Variants in NRXN1 observed in about 807,000 individuals in gnomAD.
NRXN1 encodes the protein neurexin-1.
A neutral mutation model predicts 150.9 loss-of-function variants in NRXN1; 39 were observed. The ratio of observed to expected loss-of-function variants is 0.26; its 90% CI spans 0.20 to 0.34. The LOEUF (loss-of-function observed/expected upper bound fraction) is 0.34. Ranked by LOEUF, NRXN1 falls within the 10% of genes least tolerant of loss-of-function variation. The pLI is 1.00. For synonymous variants in NRXN1, 924 were observed against 757.0 expected, an observed-to-expected ratio of 1.22 and a Z score of -3.62; for missense variants, 1,815 against 1,949.9, an observed-to-expected ratio of 0.93 and a Z score of 1.30.
At chr2:50,700,747 G>C (rs1693619080) in intron 5 of NRXN1, among the ~76,000 whole-genome samples, 1 of 151,842 alleles carries the variant, frequency 6.6e-6, no homozygotes, top group East Asian at 1.9e-4. Flanking sequence ...AAAAATGTGA[G>C]GATAAGTTTT....
chr2:50,739,952 G>A (rs1699232949), intron 5 of NRXN1, among the ~76,000 whole-genome samples: 1 of 152,108 alleles, frequency 6.6e-6, no homozygotes, highest in Non-Finnish European at 1.5e-5. Context: ...AAATCAACTG[G>A]CAGCATAAGC....
At chr2:50,357,244 T>A (rs1165956625) in intron 17 of NRXN1, among the ~76,000 whole-genome samples, 4 of 152,026 alleles carry the variant, frequency 2.6e-5, no homozygotes, top group Non-Finnish European at 5.9e-5. Flanking sequence ...CCAGCCTGGG[T>A]GACAGAGAGA....
chr2:50,958,387 A>G (rs1692610256), intron 2 of NRXN1, among the ~76,000 whole-genome samples: 2 of 152,146 alleles, frequency 1.3e-5, no homozygotes, highest in African/African-American at 4.8e-5. Context: ...CTCAAAAGTT[A>G]ACATATATAC....
intron 17 of NRXN1, among the ~76,000 whole-genome samples, chr2:50,304,887 C>T (rs1034693021): frequency 2.0e-5 from 3 of 152,046 alleles, no homozygotes; most frequent in Non-Finnish European, 2.9e-5. Flanking sequence ...GTCAGGAGTT[C>T]GAGACCAGCC....
intron 5 of NRXN1, among the ~76,000 whole-genome samples, chr2:50,735,713 A>G (rs1698656364): frequency 6.6e-6 from 1 of 152,132 alleles, no homozygotes; most frequent in African/African-American, 2.4e-5. Context: ...ATGGCTCACA[A>G]ACACACAACA....
At chr2:50,328,614 T>A (rs1256624430) in intron 17 of NRXN1, among the ~76,000 whole-genome samples, 1 of 152,020 alleles carries the variant, frequency 6.6e-6, no homozygotes, top group Non-Finnish European at 1.5e-5. Context: ...TGGGCACCTG[T>A]AATCCCAGCT....
intron 5 of NRXN1, among the ~76,000 whole-genome samples, chr2:50,804,306 G>A (rs149175234): frequency 1.4e-4 from 22 of 152,230 alleles, no homozygotes; most frequent in African/African-American, 5.1e-4. Context: ...AATAACAAGA[G>A]CTACCATTTA....
At chr2:50,761,785 G>A (rs777245418) in intron 5 of NRXN1, among the ~76,000 whole-genome samples, 1 of 151,882 alleles carries the variant, frequency 6.6e-6, no homozygotes, top group Non-Finnish European at 1.5e-5. Context: ...TGCCAGCACA[G>A]CCAGGATAAA....
In NRXN1 at chr2:50,433,277, T is replaced by C. The variant is rs946979882; in HGVS notation, c.3364+32165A>G. Among the ~76,000 whole-genome samples, 7 of 152,330 alleles carry C rather than the reference T, an allele frequency of 4.6e-5. No individual in the cohort carries two copies. The South Asian group carries it at 6.2e-4, about 14-fold the overall frequency. ...TCATTACTGTTGAAGCTACATTTAA[T>C]TGTGTCCATTATTATTTGCAGAGTC... On this transcript the variant is annotated intron_variant, in intron 17 of 22. Transcript: ENST00000401669.
intron 17 of NRXN1, among the ~76,000 whole-genome samples, chr2:50,335,198 C>T (rs187971515): frequency 1.3e-5 from 2 of 152,204 alleles, no homozygotes; most frequent in African/African-American, 4.8e-5. Context: ...TTAAGAAATT[C>T]GCTAGTTATG....
intron 18 of NRXN1, among the ~76,000 whole-genome samples, chr2:50,116,209 T>C (rs764639474): frequency 9.2e-5 from 14 of 152,026 alleles, no homozygotes; most frequent in Non-Finnish European, 1.8e-4. Context: ...TCTACAGCAA[T>C]TGAAGTTTAT....
chr2:50,722,423 T>C (rs1190916211), intron 5 of NRXN1, among the ~76,000 whole-genome samples: 4 of 152,112 alleles, frequency 2.6e-5, no homozygotes, highest in Non-Finnish European at 5.9e-5. Context: ...TTAATTATGA[T>C]ATATCCACAC....
At chr2:50,810,390 T>C (rs569029894) in intron 5 of NRXN1, among the ~76,000 whole-genome samples, 20 of 152,192 alleles carry the variant, frequency 1.3e-4, no homozygotes, top group Non-Finnish European at 2.9e-4. Context: ...TGCAGTTCTC[T>C]GAAACTTGAG....
At chr2:50,231,549 T>C (rs1243710291) in intron 18 of NRXN1, among the ~76,000 whole-genome samples, 10 of 152,082 alleles carry the variant, frequency 6.6e-5, no homozygotes, top group Non-Finnish European at 1.3e-4. Flanking sequence ...CCCAGCAAAG[T>C]ACAAAGAAGC....
At chr2:50,984,865 T>A (rs1697439129) in intron 2 of NRXN1, among the ~76,000 whole-genome samples, 1 of 152,080 alleles carries the variant, frequency 6.6e-6, no homozygotes, top group African/African-American at 2.4e-5. Flanking sequence ...CCCCAAATTT[T>A]ATTTAGATCT....
chr2:50,786,738 T>C (rs1471793187), intron 5 of NRXN1, among the ~76,000 whole-genome samples: 1 of 152,142 alleles, frequency 6.6e-6, no homozygotes, highest in Non-Finnish European at 1.5e-5. Flanking sequence ...GCATTCCACC[T>C]GTGCTTTTAA....
intron 17 of NRXN1, among the ~76,000 whole-genome samples, chr2:50,361,750 G>A (rs1236741199): frequency 6.6e-6 from 1 of 152,128 alleles, no homozygotes; most frequent in Non-Finnish European, 1.5e-5. Flanking sequence ...CTCATTTTAT[G>A]AGGCCAGCAT....
intron 8 of NRXN1, among the ~76,000 whole-genome samples, chr2:50,579,202 C>T (rs954403063): frequency 1.3e-5 from 2 of 152,180 alleles, no homozygotes; most frequent in Non-Finnish European, 2.9e-5. Flanking sequence ...TTTTGGGCTA[C>T]AGGACCAGGA....
chr2:49,955,039 TAGTTA>T (rs1382157229), intron 21 of NRXN1, among the ~76,000 whole-genome samples: 1 of 152,160 alleles, frequency 6.6e-6, no homozygotes, highest in African/African-American at 2.4e-5. Context: ...AAATACAGCT[TAGTTA>T]AAAGTGAGGG....
Sources: allele counts gnomAD v4.1 joint callset (sites outside exome capture counted in the v4.1 genomes callset), GRCh38; gene constraint gnomAD v4.1.1; transcripts MANE v1.5; gene names NCBI Gene and HGNC (gene_info 2026-07-23, HGNC 2026-07-21).